Variants in NT5DC3 observed in about 807,000 individuals in gnomAD.
NT5DC3 encodes 5'-nucleotidase domain containing 3.
A neutral mutation model predicts 67.8 loss-of-function variants in NT5DC3; 42 were observed. That is an observed-to-expected ratio of 0.62 (90% CI 0.48 to 0.80). The LOEUF (loss-of-function observed/expected upper bound fraction) is 0.80, where lower values mean the gene tolerates loss of function less well. NT5DC3 is among the 30% of genes least tolerant of loss of function. The pLI, the probability that NT5DC3 is intolerant of heterozygous loss-of-function variation, is 0.00. For missense variants in NT5DC3, 570 were observed against 696.4 expected (o/e 0.82, Z 2.04); for synonymous variants, 237 against 255.6 (o/e 0.93, Z 0.69).
In NT5DC3 at chr12:103,793,523, G is replaced by C; in HGVS notation, c.815-11C>G. 1 of 1,595,456 alleles carries C rather than the reference G, an allele frequency of 6.3e-7. No individual in the cohort carries two copies. Among genetic ancestry groups the C allele is most frequent in the Non-Finnish European group, 8.6e-7 (1 of 1,164,364 alleles). The stretch of plus-strand genomic sequence containing the variant: ...AGCAGATGTACTTTTCTAAGAGCAA[G>C]AGAAAAATTCACACACAGATTCAGC... On this transcript the variant is annotated splice_polypyrimidine_tract_variant and intron_variant, in intron 7 of 13. Transcript: ENST00000392876.
chr12:103,791,519 C>T (rs934846), intron 9 of NT5DC3, among the ~76,000 whole-genome samples: 58,364 of 151,854 alleles, frequency 0.38, 12,274 homozygotes, highest in East Asian at 0.88. Context: ...TGGAAGAAAC[C>T]AGCCCTGGCC....
the NT5DC3 span, chr12:103,755,810 A>G: frequency 8.2e-7 from 1 of 1,217,004 alleles, no homozygotes; most frequent in South Asian, 1.3e-5. Flanking sequence ...TGAAGGCCAC[A>G]GTCACAGTTA....
the NT5DC3 span, chr12:103,746,507 C>A: frequency 8.3e-7 from 1 of 1,203,116 alleles, no homozygotes; most frequent in Non-Finnish European, 1.2e-6. Flanking sequence ...ACACAGTGGT[C>A]GTCCAGAGAG....
intron 4 of NT5DC3, among the ~76,000 whole-genome samples, chr12:103,802,576 G>A (rs11616182): frequency 0.18 from 27,051 of 152,128 alleles, 2,874 homozygotes; most frequent in African/African-American, 0.3. Context: ...CTGGAGCTGG[G>A]GGGATGTGGG....
At chr12:103,767,464 G>A (rs759767483), downstream of NT5DC3, among the ~76,000 whole-genome samples, 1 of 152,138 alleles carries the variant, frequency 6.6e-6, no homozygotes, top group East Asian at 1.9e-4. Flanking sequence ...TGAGGAATTC[G>A]ATAGCAGTGA....
intron 1 of NT5DC3, among the ~76,000 whole-genome samples, chr12:103,823,224 CAA>C (rs60156543): frequency 3.8e-4 from 51 of 134,204 alleles, no homozygotes; most frequent in Non-Finnish European, 6.7e-4. Flanking sequence ...TTAGAAGTTA[CAA>C]AAAAAAAAAA....
At chr12:103,829,278 G>A (rs1483680017) in intron 1 of NT5DC3, among the ~76,000 whole-genome samples, 1 of 152,132 alleles carries the variant, frequency 6.6e-6, no homozygotes, top group Non-Finnish European at 1.5e-5. Flanking sequence ...TGACATCCTA[G>A]CACAAAAGGA....
intron 1 of NT5DC3, among the ~76,000 whole-genome samples, chr12:103,820,441 G>C (rs942915854): frequency 2.0e-5 from 3 of 152,164 alleles, no homozygotes; most frequent in African/African-American, 7.2e-5. Flanking sequence ...AAAGAAGGCA[G>C]AACCTCATTC....
intron 1 of NT5DC3, among the ~76,000 whole-genome samples, chr12:103,833,302 T>C (rs2139478524): frequency 6.6e-6 from 1 of 152,330 alleles, no homozygotes; most frequent in African/African-American, 2.4e-5. Context: ...ATTTTCTACA[T>C]CTCTTTAACC....
intron 1 of NT5DC3, among the ~76,000 whole-genome samples, chr12:103,823,901 C>T (rs1248296068): frequency 1.3e-5 from 2 of 152,164 alleles, no homozygotes; most frequent in African/African-American, 2.4e-5. Flanking sequence ...AAAAAGACAC[C>T]CTAATTCAGG....
rs1157881903 is a variant in NT5DC3 at position 103,806,949 on chromosome 12, C to T, written c.394-20G>A. ...TGGATACTAAGAAAGAAGAAAGGAA[C>T]TGGTTTTAGCCAACAATGTGCCAAG... On this transcript the variant is annotated intron_variant, in intron 2 of 13. Coordinates refer to ENST00000392876, the MANE Select transcript of NT5DC3 (RefSeq NM_001031701.3). 1.4e-6 allele frequency: 2 copies of T among 1,470,488 alleles called. No individual in the cohort carries two copies. Among genetic ancestry groups the T allele is most frequent in the South Asian group, 2.3e-5 (2 of 87,940 alleles). 91.1% of individuals were successfully genotyped at this position (1,470,488 alleles called of 1,614,324 possible). A position where few individuals can be genotyped will look rare whatever the true frequency, so the allele number is the denominator to read the frequency against.
chr12:103,836,089 G>C (rs1344407354), intron 1 of NT5DC3, among the ~76,000 whole-genome samples: 1 of 152,104 alleles, frequency 6.6e-6, no homozygotes, highest in Non-Finnish European at 1.5e-5. Flanking sequence ...ACCTCCCCCT[G>C]GGTCCCTCCC....
chr12:103,796,626 C>A (rs915824328), intron 6 of NT5DC3, among the ~76,000 whole-genome samples: 1 of 152,262 alleles, frequency 6.6e-6, no homozygotes, highest in African/African-American at 2.4e-5. Context: ...TGCACCGGCC[C>A]TGGCCTTGGC....
intron 9 of NT5DC3, among the ~76,000 whole-genome samples, chr12:103,791,305 C>T (rs1342483017): frequency 1.3e-5 from 2 of 152,006 alleles, no homozygotes; most frequent in African/African-American, 4.8e-5. Context: ...AGACAGGGCC[C>T]TTCTCCTGAC....
Position 103,788,865 on chromosome 12 carries a change from C to A in NT5DC3, c.1074G>T (p.Lys358Asn), listed in dbSNP as rs1257848334. Residue 358 changes from lysine (K) to asparagine (N), a missense_variant, in exon 10 of 14, where the codon AAG becomes AAT. Lys to Asn is a moderately conservative substitution (Grantham distance 94). Around this residue, in one of 2 missense-constraint regions of NT5DC3, gnomAD observed 466 missense variants for 608.0 expected, o/e 0.77. Transcript: ENST00000392876. The part of the protein sequence containing the change: ...KGVLLWDKIH[K>N]LQKGQIYKQG... ...GCTTGTATATCTGGCCTTTCTGCAA[C>A]TTATGGATTTTATCCCAGAGTAAGA... 1 of 1,613,536 alleles carries A rather than the reference C, an allele frequency of 6.2e-7. No individual in the cohort carries two copies. The highest frequency in any genetic ancestry group is 1.7e-5 in the Admixed American group (1 of 60,024).
At chr12:103,840,397 T>C in intron 1 of NT5DC3, among the ~76,000 whole-genome samples, 1 of 145,912 alleles carries the variant, frequency 6.9e-6, no homozygotes, top group African/African-American at 2.6e-5. Context: ...TCTCATCTCA[T>C]CTCATCTCAT....
chr12:103,783,732 C>T (rs1039087085), intron 12 of NT5DC3, among the ~76,000 whole-genome samples: 1 of 151,202 alleles, frequency 6.6e-6, no homozygotes, highest in Non-Finnish European at 1.5e-5. Flanking sequence ...TTCTCTAAAA[C>T]ACACATTCCT....
At chr12:103,755,320 T>C in the NT5DC3 span, 7 of 1,613,920 alleles carry the variant, frequency 4.3e-6, no homozygotes, top group Middle Eastern at 1.6e-4. Context: ...CCACCTGTGC[T>C]CAGCAGGCTG....
At chr12:103,766,343 G>A (rs1431572601), downstream of NT5DC3, 1 of 1,604,154 alleles carries the variant, frequency 6.2e-7, no homozygotes, top group Admixed American at 1.7e-5. Flanking sequence ...GTGAGGGCCT[G>A]GACGGGAGAT....
Sources: gnomAD v4.1 joint callset for allele counts (sites outside exome capture counted in the v4.1 genomes callset) on GRCh38, gnomAD v4.1.1 for gene constraint, gnomAD v4.1.1 regional missense constraint, MANE v1.5 for transcripts, NCBI Gene and HGNC (gene_info 2026-07-23, HGNC 2026-07-21) for gene names.